ITGAL: variants seen among roughly 807,000 people sequenced by gnomAD.
The protein encoded by ITGAL is integrin subunit alpha L.
Under a neutral mutation model 138.4 loss-of-function variants are expected in ITGAL, and 68 were observed. The observed-to-expected ratio is 0.49, with a 90% CI of 0.40 to 0.60. ITGAL has a LOEUF of 0.60. Among genes scored for constraint, ITGAL ranks in the 20% least tolerant of loss-of-function variants. The pLI is 0.00. For synonymous variants in ITGAL, 561 were observed against 584.3 expected (o/e 0.96, Z 0.57); for missense variants, 1,256 against 1,478.6 (o/e 0.85, Z 2.47).
intron 9 of ITGAL, among the ~76,000 whole-genome samples, chr16:30,487,167 G>C (rs911903824): frequency 1.3e-5 from 2 of 149,396 alleles, no homozygotes; most frequent in South Asian, 4.2e-4. Flanking sequence ...AAAAAAAAGA[G>C]TTTCTACTAT....
At chr16:30,487,536 A>G (rs922765078) in intron 9 of ITGAL, among the ~76,000 whole-genome samples, 1 of 151,482 alleles carries the variant, frequency 6.6e-6, no homozygotes, top group African/African-American at 2.4e-5. Flanking sequence ...CAGCCTCCCA[A>G]GTAGCTAGTA....
At chr16:30,488,995 A>C (rs1597075914) in intron 9 of ITGAL, 87 bp from the exon 10 acceptor site, 9 of 1,041,208 alleles carry the variant, frequency 8.6e-6, no homozygotes, top group Non-Finnish European at 1.4e-5. Context: ...AGAAGTAAAT[A>C]CCTCACTTCT....
chr16:30,498,761 T>TGAG (rs1428132367), intron 15 of ITGAL: 2 of 241,678 alleles, frequency 8.3e-6, no homozygotes, highest in African/African-American at 4.5e-5. Context: ...GTTAGCCAGG[T>TGAG]GTGGTGGCAC....
At chr16:30,510,290 G>A (rs571227533) in intron 21 of ITGAL, 71 bp from the exon 22 acceptor site, 6 of 862,862 alleles carry the variant, frequency 7.0e-6, no homozygotes, top group Middle Eastern at 2.2e-4. Flanking sequence ...GGTAGGCCAG[G>A]AGGGCTGGTG....
chr16:30,501,662 A>C (rs552338027), intron 17 of ITGAL, among the ~76,000 whole-genome samples: 1 of 113,416 alleles, frequency 8.8e-6, no homozygotes, highest in African/African-American at 3.5e-5. Flanking sequence ...GGTACATATC[A>C]TGCATCCCAG....
intron 18 of ITGAL, 88 bp downstream of exon 18, chr16:30,504,352 C>A (rs994112598): frequency 1.0e-6 from 1 of 997,326 alleles, no homozygotes. Flanking sequence ...CAGCACACTC[C>A]TATAATCCCA....
intron 25 of ITGAL, among the ~76,000 whole-genome samples, chr16:30,516,159 C>T (rs1446481808): frequency 6.6e-6 from 1 of 152,130 alleles, no homozygotes; most frequent in African/African-American, 2.4e-5. Context: ...ACTTCTGTGT[C>T]ACTTTCTTAC....
intron 9 of ITGAL, among the ~76,000 whole-genome samples, chr16:30,487,487 G>A (rs2050664776): frequency 1.3e-5 from 2 of 152,094 alleles, no homozygotes; most frequent in African/African-American, 4.8e-5. Context: ...TTGGCTCACT[G>A]CAACCTCAGC....
rs1340713001 is a variant in ITGAL at position 30,506,724 on chromosome 16, C to G, written c.2376C>G (p.Ala792=). The change falls in exon 21 of 31, where the codon GCC becomes GCG. Residue 792 remains alanine (A), a synonymous_variant. Coordinates refer to ENST00000356798, the MANE Select transcript of ITGAL (RefSeq NM_002209.3). ...RVSFSPARSR[A]LRLTAFASLS... is the part of the protein sequence containing the mutation. ...TGATCATCCCCCACAGATCCAGAGC[C>G]CTGCGTCTAACTGCTTTTGCCAGCC... 19 of 1,613,688 alleles carry G rather than the reference C, an allele frequency of 1.2e-5. No homozygotes were observed. Among genetic ancestry groups the G allele is most frequent in the Non-Finnish European group, 1.6e-5 (19 of 1,179,832 alleles).
chr16:30,493,162 A>T (rs1338037996), intron 11 of ITGAL, among the ~76,000 whole-genome samples: 1 of 152,158 alleles, frequency 6.6e-6, no homozygotes. Flanking sequence ...TTAGGATTAC[A>T]GGTGTGAGCC....
At chr16:30,479,604 C>T in intron 6 of ITGAL, 143 bp downstream of exon 6, 1 of 649,320 alleles carries the variant, frequency 1.5e-6, no homozygotes, top group Non-Finnish European at 2.6e-6. Flanking sequence ...GGGACAAGAA[C>T]CAGGGAGTAG....
At position 30,475,356 on chromosome 16, in the gene ITGAL, A is replaced by G; in HGVS notation, c.215A>G (p.Gln72Arg). The change falls in exon 3 of 31, where the codon CAG becomes CGG. Residue 72 changes from glutamine (Q) to arginine (R), a missense_variant. By Grantham distance (43) the Gln-to-Arg change is conservative (BLOSUM62 1). Coordinates refer to ENST00000356798, the MANE Select transcript of ITGAL (RefSeq NM_002209.3). ...GGGAACAGCACAGGAAGCCTCTATC[A>G]GTGCCAGTCGGGCACAGGACACTGC... Reference protein sequence around the residue: ...GEGNSTGSLYQCQSGTGHCLP... With the variant: ...GEGNSTGSLYRCQSGTGHCLP... The G allele has an allele frequency of 1.2e-6, 2 of 1,614,008 alleles. No homozygotes were observed. The highest frequency in any genetic ancestry group is 1.7e-6 in the Non-Finnish European group (2 of 1,179,934).
Position 30,496,455 on chromosome 16 carries a change from T to A in ITGAL, c.1721T>A (p.Val574Glu). ...TCTCAGCGGATAGAAGGGACCCAAG[T>A]GCTCTCAGGAATTCAGTGGTTTGGA... Reference protein sequence around the residue: ...QPSQRIEGTQVLSGIQWFGRS... With the variant: ...QPSQRIEGTQELSGIQWFGRS... Residue 574 changes from valine to glutamate, a missense_variant, in exon 15 of 31, where the codon GTG (valine) becomes GAG (glutamate). Physicochemically the swap from Val to Glu is moderately radical, Grantham distance 121 (BLOSUM62 -2). Around this residue, in one of 3 missense-constraint regions of ITGAL, gnomAD observed 867 missense variants for 972.5 expected, o/e 0.89. Transcript: ENST00000356798. 6.2e-7 allele frequency: 1 copy of A among 1,613,916 alleles called. No homozygotes were observed. Among genetic ancestry groups the A allele is most frequent in the Non-Finnish European group, 8.5e-7 (1 of 1,179,974 alleles).
chr16:30,494,854 G>T lies in ITGAL; in HGVS notation c.1503+4G>T. 2 of 1,588,762 alleles carry T rather than the reference G, an allele frequency of 1.3e-6. No homozygotes were observed. The highest frequency in any genetic ancestry group is 1.7e-6 in the Non-Finnish European group (2 of 1,162,598). ...GTTTATCTACCAGAGAAGACAGGTG[G>T]GGCCAGGATCTGGAGCTGAGAGGGA... is the stretch of plus-strand genomic sequence containing the variant. On this transcript the variant is annotated splice_donor_region_variant and intron_variant, in intron 13 of 30. Transcript: ENST00000356798. The surrounding 1 kb of genome is among the most constrained non-coding windows in gnomAD (Gnocchi z 4.2).
intron 11 of ITGAL, among the ~76,000 whole-genome samples, chr16:30,491,879 C>G (rs1251133498): frequency 6.6e-6 from 1 of 152,178 alleles, no homozygotes; most frequent in African/African-American, 2.4e-5. Context: ...GAAGCAGTAG[C>G]ACTAGGATTT....
At chr16:30,485,338 T>C (rs995811950) in intron 9 of ITGAL, among the ~76,000 whole-genome samples, 1 of 94,286 alleles carries the variant, frequency 1.1e-5, no homozygotes. Context: ...GCCATTCTCC[T>C]GCCTCAGCCT....
intron 9 of ITGAL, 168 bp from the exon 10 acceptor site, chr16:30,488,914 A>G (rs1597075862): frequency 1.6e-6 from 1 of 627,678 alleles, no homozygotes; most frequent in East Asian, 2.8e-5. Flanking sequence ...CTCCCAGGGT[A>G]AAAGCCAACT....
At chr16:30,517,954 T>C (rs910593230) in intron 28 of ITGAL, 59 bp downstream of exon 28, 15 of 1,388,138 alleles carry the variant, frequency 1.1e-5, no homozygotes, top group South Asian at 6.9e-5. Flanking sequence ...CCTGGGGCCG[T>C]TGTGGGTGGG....
intron 2 of ITGAL, among the ~76,000 whole-genome samples, chr16:30,474,809 C>A (rs1349838424): frequency 6.7e-6 from 1 of 148,868 alleles, no homozygotes; most frequent in African/African-American, 2.5e-5. Flanking sequence ...TATTTCTCTG[C>A]GATTCTGTAG....
Sources: gnomAD v4.1 joint callset for allele counts (sites outside exome capture counted in the v4.1 genomes callset) on GRCh38, gnomAD v4.1.1 for gene constraint, gnomAD v4.1.1 regional missense constraint, Gnocchi (gnomAD v3.1) non-coding constraint, MANE v1.5 for transcripts, NCBI Gene and HGNC (gene_info 2026-07-23, HGNC 2026-07-21) for gene names.